Variants in TTBK2 observed in about 807,000 individuals in gnomAD.
TTBK2 encodes the protein tau-tubulin kinase 2.
TTBK2 carries 28 observed loss-of-function variants against 110.8 expected under a neutral mutation model. The ratio of observed to expected loss-of-function variants is 0.25; its 90% CI spans 0.19 to 0.35. TTBK2 has a LOEUF of 0.35. Ranked by LOEUF, TTBK2 falls within the 10% of genes least tolerant of loss-of-function variation. The pLI, the probability that TTBK2 is intolerant of heterozygous loss-of-function variation, is 1.00. For synonymous variants in TTBK2, 532 were observed against 527.3 expected, an observed-to-expected ratio of 1.01 and a Z score of -0.12; for missense variants, 1,369 against 1,500.3, an observed-to-expected ratio of 0.91 and a Z score of 1.45.
In TTBK2 at chr15:42,739,083, GA is replaced by G. The variant is rs2061734357; in HGVS notation, c.*6711del. The G allele has an allele frequency of 6.6e-6, 1 of 152,100 alleles. No homozygotes were observed. The highest frequency in any genetic ancestry group is 1.5e-5 in the Non-Finnish European group (1 of 68,016). 9.4% of individuals were successfully genotyped at this position (152,100 alleles called of 1,614,324 possible). A position where few individuals can be genotyped will look rare whatever the true frequency, so the allele number is the denominator to read the frequency against. On this transcript the variant is annotated 3_prime_UTR_variant, in exon 15 of 15. Transcript: ENST00000267890. Reference sequence around the variant, plus strand: ...CAAAGCTTTAATATGATACAAATGGGAAAATTAAATAAATAATTACACTTTT... The same window carrying G: ...CAAAGCTTTAATATGATACAAATGGGAAATTAAATAAATAATTACACTTTT...
chr15:42,821,750 C>T (rs1034506330), intron 6 of TTBK2, among the ~76,000 whole-genome samples: 5 of 147,628 alleles, frequency 3.4e-5, no homozygotes, highest in Admixed American at 1.4e-4. Flanking sequence ...AGTGCGGTGG[C>T]GTGATCTTGG....
chr15:42,819,113 A>G (rs565356637), intron 6 of TTBK2, among the ~76,000 whole-genome samples: 2 of 150,910 alleles, frequency 1.3e-5, no homozygotes. Context: ...TTCTTAAGTA[A>G]CCTCAAATTT....
At chr15:42,869,653 A>G (rs1420583144) in intron 3 of TTBK2, among the ~76,000 whole-genome samples, 1 of 152,144 alleles carries the variant, frequency 6.6e-6, no homozygotes, top group Non-Finnish European at 1.5e-5. Context: ...GTAGAGCTGC[A>G]AATGGAGAGG....
rs963084171 is a variant in TTBK2, at chr15:42,743,177, A to G, written c.*2618T>C. 2 of 152,250 alleles carry G rather than the reference A, an allele frequency of 1.3e-5. No homozygotes were observed. Among genetic ancestry groups the G allele is most frequent in the Non-Finnish European group, 2.9e-5 (2 of 68,044 alleles). The allele number at this position is 152,250 out of a possible 1,614,324, so 9.4% of individuals were successfully genotyped here. On this transcript the variant is annotated 3_prime_UTR_variant, in exon 15 of 15. Transcript: ENST00000267890. Reference sequence around the variant, plus strand: ...GTCTTTGGTTAATTCTTTCCTCTACATGCAAAATAAAATATTCTTAAACGA... The same window carrying G: ...GTCTTTGGTTAATTCTTTCCTCTACGTGCAAAATAAAATATTCTTAAACGA...
chr15:42,745,853 G>A lies in TTBK2; in HGVS notation c.3677C>T (p.Ser1226Leu), dbSNP rs2061784833. 4 of 1,614,202 alleles carry A rather than the reference G, an allele frequency of 2.5e-6. No homozygotes were observed. Among genetic ancestry groups the A allele is most frequent in the Non-Finnish European group, 1.7e-6 (2 of 1,180,042 alleles). ...LKGSGSLHHH[S>L]ASTKTPQGKS... ...CCCTTGGGGGGTTTTAGTGCTGGCTGAGTGGTGGTGGAGGCTGCCGGATCC... is the reference window on the plus strand; with the variant it reads ...CCCTTGGGGGGTTTTAGTGCTGGCTAAGTGGTGGTGGAGGCTGCCGGATCC... Residue 1226 changes from serine to leucine, a missense_variant, in exon 15 of 15, where the codon TCA becomes TTA. Transcript: ENST00000267890.
At position 42,738,859 on chromosome 15, in the gene TTBK2, TA is replaced by T. The variant is rs1225691575; in HGVS notation, c.*6935del. Reference sequence around the variant, plus strand: ...TCTAGATGTGGTACTGCATTTACAGTAACACTATCTGCTCCCCGTTGATCTT... The same window carrying T: ...TCTAGATGTGGTACTGCATTTACAGTACACTATCTGCTCCCCGTTGATCTT... On this transcript the variant is annotated 3_prime_UTR_variant, in exon 15 of 15. Transcript: ENST00000267890. The T allele has an allele frequency of 2.0e-5, 3 of 152,238 alleles. No homozygotes were observed. The highest frequency in any genetic ancestry group is 4.4e-5 in the Non-Finnish European group (3 of 68,038). The allele number at this position is 152,238 out of a possible 1,614,324, so 9.4% of individuals were successfully genotyped here.
chr15:42,906,080 C>T (rs1278426594), intron 1 of TTBK2, among the ~76,000 whole-genome samples: 4 of 151,888 alleles, frequency 2.6e-5, no homozygotes, highest in East Asian at 1.9e-4. Context: ...CCCAGCTATT[C>T]GGGAGGCTGA....
At chr15:42,899,006 G>A (rs762677088) in intron 1 of TTBK2, among the ~76,000 whole-genome samples, 17 of 151,840 alleles carry the variant, frequency 1.1e-4, no homozygotes, top group Admixed American at 5.3e-4. Context: ...TTTTGGCAGG[G>A]GAGAGAGAGA....
chr15:42,784,410 T>C (rs554428290), intron 10 of TTBK2, among the ~76,000 whole-genome samples: 1 of 152,168 alleles, frequency 6.6e-6, no homozygotes, highest in African/African-American at 2.4e-5. Flanking sequence ...CCTGAGTAGC[T>C]GGGATTACAG....
intron 6 of TTBK2, among the ~76,000 whole-genome samples, chr15:42,827,517 A>G (rs910532577): frequency 2.6e-5 from 4 of 152,318 alleles, no homozygotes; most frequent in African/African-American, 7.2e-5. Flanking sequence ...TGTTTTCAGA[A>G]ATAAAGGACA....
At chr15:42,865,149 T>C (rs1158478651) in intron 3 of TTBK2, among the ~76,000 whole-genome samples, 2 of 152,014 alleles carry the variant, frequency 1.3e-5, no homozygotes, top group African/African-American at 2.4e-5. Context: ...ATAATTGATA[T>C]GTTAAGAAAG....
intron 7 of TTBK2, among the ~76,000 whole-genome samples, chr15:42,815,958 A>AAAAAAAAAATAT (rs71108183): frequency 2.2e-5 from 2 of 91,694 alleles, no homozygotes; most frequent in African/African-American, 6.2e-5. Context: ...TTAAAAAAAA[A>AAAAAAAAAATAT]ATATATATAT....
chr15:42,748,214 T>C (rs956585553), intron 14 of TTBK2, among the ~76,000 whole-genome samples: 1 of 152,032 alleles, frequency 6.6e-6, no homozygotes, highest in Non-Finnish European at 1.5e-5. Flanking sequence ...CCCAGCACTT[T>C]GGGGGGTTGA....
intron 1 of TTBK2, among the ~76,000 whole-genome samples, chr15:42,909,567 G>C (rs1198048223): frequency 1.3e-5 from 2 of 152,092 alleles, no homozygotes; most frequent in East Asian, 3.9e-4. Flanking sequence ...ATATTCATGT[G>C]CTGGGGATTA....
rs967280552 is a variant in TTBK2, at chr15:42,775,527, T to C, written c.1606A>G (p.Ile536Val). 1.9e-6 allele frequency: 3 copies of C among 1,614,236 alleles called. No homozygotes were observed. The Admixed American group carries it at 5.0e-5, about 27-fold the overall frequency. ...QADGGGSNGF[I>V]AVNLSSCKQE... ...TTGCAAGAGCTCAGGTTAACAGCTA[T>C]AAATCCATTGCTGCCACCACCATCT... is the stretch of plus-strand genomic sequence containing the variant. The change falls in exon 13 of 15, where the codon ATA (isoleucine) becomes GTA (valine). Residue 536 changes from isoleucine to valine, a missense_variant. Coordinates refer to ENST00000267890, the MANE Select transcript of TTBK2 (RefSeq NM_173500.4).
chr15:42,781,705 C>CTTT (rs1890185639), intron 11 of TTBK2, among the ~76,000 whole-genome samples: 1 of 151,968 alleles, frequency 6.6e-6, no homozygotes, highest in African/African-American at 2.4e-5. Flanking sequence ...GTCTTTATGT[C>CTTT]ACTGATTACT....
intron 7 of TTBK2, among the ~76,000 whole-genome samples, chr15:42,816,070 A>AT (rs1891987902): frequency 2.5e-5 from 2 of 80,740 alleles, no homozygotes; most frequent in East Asian, 3.8e-4. Context: ...ATATATATAT[A>AT]AAAATAAATA....
intron 1 of TTBK2, among the ~76,000 whole-genome samples, chr15:42,910,515 C>T (rs144283423): frequency 1.3e-5 from 2 of 152,222 alleles, no homozygotes; most frequent in East Asian, 3.9e-4. Context: ...ACTAAATAGT[C>T]CTCTGGCAAA....
intron 11 of TTBK2, among the ~76,000 whole-genome samples, chr15:42,777,777 A>G (rs1044925832): frequency 1.3e-5 from 2 of 152,222 alleles, no homozygotes; most frequent in Non-Finnish European, 2.9e-5. Flanking sequence ...GGACTATTTA[A>G]GCACAGGTGC....
Sources: gnomAD v4.1 joint callset for allele counts (sites outside exome capture counted in the v4.1 genomes callset) on GRCh38, gnomAD v4.1.1 for gene constraint, MANE v1.5 for transcripts, NCBI Gene and HGNC (gene_info 2026-07-23, HGNC 2026-07-21) for gene names.